Variants in ITPRIP observed in about 807,000 individuals in gnomAD.
ITPRIP encodes inositol 1,4,5-trisphosphate receptor interacting protein.
A neutral mutation model predicts 35.8 loss-of-function variants in ITPRIP; 32 were observed. The observed-to-expected ratio is 0.89, with a 90% CI of 0.68 to 1.20. The LOEUF is 1.20. ITPRIP is among the 50% of genes most tolerant of loss of function. ITPRIP has a pLI of 0.00. For missense variants in ITPRIP, 653 were observed against 735.6 expected, an observed-to-expected ratio of 0.89 and a Z score of 1.30; for synonymous variants, 358 against 324.0, an observed-to-expected ratio of 1.11 and a Z score of -1.13.
At position 104,333,138 on chromosome 10, in the gene ITPRIP, C is replaced by A. The variant is rs955438036; in HGVS notation, c.-14+5108G>T. ...CTTCCCCTAACCCTCCTTACAGATC[C>A]AGGCTGCAGGAGGACCCCTAAGGAG... On this transcript the variant is annotated intron_variant, in intron 1 of 1. Transcript: ENST00000337478. This position sits in a 1 kb window ranked among gnomAD's most constrained non-coding sequence, Gnocchi z 4.1. 1.3e-5 allele frequency among the ~76,000 whole-genome samples: 2 copies of A among 152,186 alleles called. No homozygotes were observed. Among genetic ancestry groups the A allele is most frequent in the African/African-American group, 4.8e-5 (2 of 41,446 alleles).
chr10:104,321,191 C>A (rs1185069718), intron 1 of ITPRIP, among the ~76,000 whole-genome samples: 7 of 152,210 alleles, frequency 4.6e-5, no homozygotes, highest in Admixed American at 4.6e-4. Context: ...GGCTCTCCCG[C>A]ACCTGTGGTC....
chr10:104,335,104 CACCAGCTGGCCCCTCCCAGG>C (rs1460526968), intron 1 of ITPRIP, among the ~76,000 whole-genome samples: 1 of 152,164 alleles, frequency 6.6e-6, no homozygotes, highest in Admixed American at 6.5e-5. Flanking sequence ...ATCTGCTGGG[CACCAGCTGGCCCCTCCCAGG>C]AGGCATCTTG....
intron 1 of ITPRIP, among the ~76,000 whole-genome samples, chr10:104,329,624 T>A (rs276215): frequency 6.6e-6 from 1 of 151,748 alleles, no homozygotes; most frequent in Non-Finnish European, 1.5e-5. Context: ...CCACTCCTAC[T>A]GTCACCGAGA....
rs2135206907 is a variant in ITPRIP at position 104,328,683 on chromosome 10, A to G, written c.-14+9563T>C. On this transcript the variant is annotated intron_variant, in intron 1 of 1. Transcript: ENST00000337478. The surrounding 1 kb of genome is among the most constrained non-coding windows in gnomAD (Gnocchi z 4.1). ...GAGAAACTAGGATGGATGGAATTAA[A>G]TAAAGGGCCAGCACCCAGCAGCCAC... Among the ~76,000 whole-genome samples, 1 of 152,160 alleles carries G rather than the reference A, an allele frequency of 6.6e-6. No individual in the cohort carries two copies. Among genetic ancestry groups the G allele is most frequent in the African/African-American group, 2.4e-5 (1 of 41,504 alleles).
In ITPRIP at chr10:104,313,433, A is replaced by G. The variant is rs28680198; in HGVS notation, c.*975T>C. The G allele has an allele frequency of 0.042, 41,709 of 985,774 alleles. 5,555 individuals are homozygous for G. The highest frequency in any genetic ancestry group is 0.42 in the African/African-American group (24,215 of 57,284). 61.1% of individuals were successfully genotyped at this position (985,774 alleles called of 1,614,324 possible). A position where few individuals can be genotyped will look rare whatever the true frequency, so the allele number is the denominator to read the frequency against. ...CAGCCTCTGGGAGTGCCATGGCCTC[A>G]GGTGCCTTGTGGTTGCCAATGAAGA... is the stretch of plus-strand genomic sequence containing the variant. On this transcript the variant is annotated 3_prime_UTR_variant, in exon 2 of 2. Transcript: ENST00000337478.
At chr10:104,321,955 T>C (rs946651499) in intron 1 of ITPRIP, among the ~76,000 whole-genome samples, 5 of 152,154 alleles carry the variant, frequency 3.3e-5, no homozygotes, top group Non-Finnish European at 5.9e-5. Flanking sequence ...GGGCCTGCAG[T>C]GATGAGTATG....
intron 1 of ITPRIP, among the ~76,000 whole-genome samples, chr10:104,337,224 T>C (rs933487383): frequency 2.0e-5 from 3 of 152,196 alleles, no homozygotes; most frequent in African/African-American, 7.2e-5. Context: ...GGCAGTCAGA[T>C]AGACTCGGTT....
rs887021070 is a variant in ITPRIP at position 104,313,466 on chromosome 10, G to A, written c.*942C>T. ...TGTGGTTGCCAATGAAGAAGTGATA[G>A]AGTTTCTTTTCCAGCTGTCCTTTGC... On this transcript the variant is annotated 3_prime_UTR_variant, in exon 2 of 2. Coordinates refer to ENST00000337478, the MANE Select transcript of ITPRIP (RefSeq NM_001272013.2). The A allele has an allele frequency of 4.1e-6, 4 of 985,670 alleles. No homozygotes were observed. Among genetic ancestry groups the A allele is most frequent in the Non-Finnish European group, 4.8e-6 (4 of 830,138 alleles). 61.1% of individuals were successfully genotyped at this position (985,670 alleles called of 1,614,324 possible). A position where few individuals can be genotyped will look rare whatever the true frequency, so the allele number is the denominator to read the frequency against.
In ITPRIP at chr10:104,319,278, C is replaced by T. The variant is rs186524372; in HGVS notation, c.-13-3214G>A. On this transcript the variant is annotated intron_variant, in intron 1 of 1. Transcript: ENST00000337478. ...ATCATACACCTTGGGTGCTTAGCAC[C>T]GTGCCTGGCACAGGGCAGGCTCCTC... is the stretch of plus-strand genomic sequence containing the variant. Among the ~76,000 whole-genome samples the T allele has an allele frequency of 3.3e-5, 5 of 152,288 alleles. No homozygotes were observed. In the East Asian group the frequency reaches 9.7e-4, roughly 29 times the overall value.
At chr10:104,331,569 C>T (rs2014151329) in intron 1 of ITPRIP, among the ~76,000 whole-genome samples, 1 of 152,192 alleles carries the variant, frequency 6.6e-6, no homozygotes. Context: ...CCCAGGGTTG[C>T]TTCCAAGCTG....
At chr10:104,327,449 G>T (rs1052482706) in intron 1 of ITPRIP, among the ~76,000 whole-genome samples, 1 of 152,006 alleles carries the variant, frequency 6.6e-6, no homozygotes, top group African/African-American at 2.4e-5. Context: ...CTGTCCCCCA[G>T]ATAGCTCCTG....
In ITPRIP at chr10:104,328,606, C is replaced by A. The variant is rs2014081575; in HGVS notation, c.-14+9640G>T. Among the ~76,000 whole-genome samples the A allele has an allele frequency of 6.6e-6, 1 of 152,136 alleles. No individual in the cohort carries two copies. The highest frequency in any genetic ancestry group is 2.4e-5 in the African/African-American group (1 of 41,408). On this transcript the variant is annotated intron_variant, in intron 1 of 1. Coordinates refer to ENST00000337478, the MANE Select transcript of ITPRIP (RefSeq NM_001272013.2). The surrounding 1 kb of genome is among the most constrained non-coding windows in gnomAD (Gnocchi z 4.1). Reference sequence around the variant, plus strand: ...AACACAAAGGAAAACAAGGAGGGAACAAAGCCCTCCCTTGGCCACTCCCCG... The same window carrying A: ...AACACAAAGGAAAACAAGGAGGGAAAAAAGCCCTCCCTTGGCCACTCCCCG...
chr10:104,330,594 A>G (rs1447644847), intron 1 of ITPRIP, among the ~76,000 whole-genome samples: 1 of 152,246 alleles, frequency 6.6e-6, no homozygotes, highest in Non-Finnish European at 1.5e-5. Context: ...ATTACAGAGT[A>G]AGAGAAGGAG....
rs1198700429 is a variant in ITPRIP at position 104,315,943 on chromosome 10, TCTC to T, written c.106_108del (p.Glu36del). On this transcript the variant is annotated inframe_deletion, in exon 2 of 2. Coordinates refer to ENST00000337478, the MANE Select transcript of ITPRIP (RefSeq NM_001272013.2). The surrounding 1 kb of genome is among the most constrained non-coding windows in gnomAD (Gnocchi z 5.7). ...TGGTGCGCCTGCATCTTGCGGATGA[TCTC>T]CTCCTCGTTCTCGGGGACTGTGGCG... The T allele has an allele frequency of 3.1e-6, 5 of 1,613,854 alleles. No individual in the cohort carries two copies. The highest frequency in any genetic ancestry group is 4.5e-5 in the East Asian group (2 of 44,870).
rs2013503944 is a variant in ITPRIP at position 104,312,161 on chromosome 10, T to C, written c.*2247A>G. Reference sequence around the variant, plus strand: ...ACTCCTTGCAAGATTTAATTCTTCCTTTAATATAAATAAGGCAGCATGAAA... The same window carrying C: ...ACTCCTTGCAAGATTTAATTCTTCCCTTAATATAAATAAGGCAGCATGAAA... On this transcript the variant is annotated 3_prime_UTR_variant, in exon 2 of 2. Transcript: ENST00000337478. The C allele has an allele frequency of 6.6e-6, 1 of 152,316 alleles. No homozygotes were observed. Among genetic ancestry groups the C allele is most frequent in the Admixed American group, 6.5e-5 (1 of 15,294 alleles). 9.4% of individuals were successfully genotyped at this position (152,316 alleles called of 1,614,324 possible). A position where few individuals can be genotyped will look rare whatever the true frequency, so the allele number is the denominator to read the frequency against.
At chr10:104,320,877 C>T (rs2013829937) in intron 1 of ITPRIP, among the ~76,000 whole-genome samples, 2 of 152,180 alleles carry the variant, frequency 1.3e-5, no homozygotes, top group Non-Finnish European at 2.9e-5. Flanking sequence ...TGTAACCCAA[C>T]TGTCTGGGGC....
At chr10:104,323,743 G>T (rs1003400838) in intron 1 of ITPRIP, among the ~76,000 whole-genome samples, 8 of 152,228 alleles carry the variant, frequency 5.3e-5, no homozygotes, top group African/African-American at 1.9e-4. Flanking sequence ...TCAATTCCAT[G>T]CTTCTCTCTA....
rs1195752575 is a variant in ITPRIP, at chr10:104,314,175, C to T, written c.*233G>A. ...CAGAAGTAAACTGCAAGGGATCAGT[C>T]CCTAAACCCAAATAACAGCTTTACC... On this transcript the variant is annotated 3_prime_UTR_variant, in exon 2 of 2. Coordinates refer to ENST00000337478, the MANE Select transcript of ITPRIP (RefSeq NM_001272013.2). 1.5e-6 allele frequency: 2 copies of T among 1,350,160 alleles called. No individual in the cohort carries two copies. The highest frequency in any genetic ancestry group is 1.5e-5 in the African/African-American group (1 of 68,164). 83.6% of individuals were successfully genotyped at this position (1,350,160 alleles called of 1,614,324 possible). A position where few individuals can be genotyped will look rare whatever the true frequency, so the allele number is the denominator to read the frequency against.
chr10:104,335,611 CCTCCTCT>C (rs2014219934), intron 1 of ITPRIP, among the ~76,000 whole-genome samples: 1 of 152,220 alleles, frequency 6.6e-6, no homozygotes, highest in African/African-American at 2.4e-5. Flanking sequence ...TCTTTTCTTT[CCTCCTCT>C]GCCTCCTGCC....
Sources: allele counts gnomAD v4.1 joint callset (sites outside exome capture counted in the v4.1 genomes callset), GRCh38; gene constraint gnomAD v4.1.1; non-coding constraint Gnocchi (gnomAD v3.1); transcripts MANE v1.5; gene names NCBI Gene and HGNC (gene_info 2026-07-23, HGNC 2026-07-21).